SEMA5A: variants seen among roughly 807,000 people sequenced by gnomAD.
SEMA5A encodes the protein semaphorin-5A.
In SEMA5A, 55 loss-of-function variants were observed where a neutral mutation model predicts 135.5. The ratio of observed to expected loss-of-function variants is 0.41; its 90% CI spans 0.33 to 0.51. The LOEUF is 0.51. Ranked by LOEUF, SEMA5A falls within the 20% of genes least tolerant of loss-of-function variation. SEMA5A has a pLI of 0.37. For missense variants in SEMA5A, 1,290 were observed against 1,419.9 expected, an observed-to-expected ratio of 0.91 and a Z score of 1.47; for synonymous variants, 580 against 546.5, an observed-to-expected ratio of 1.06 and a Z score of -0.85.
At chr5:9,265,515 TGGTGTGTGC>T (rs1749640929) in intron 5 of SEMA5A, 2 of 456,330 alleles carry the variant, frequency 4.4e-6, no homozygotes, top group African/African-American at 2.0e-5. Context: ...TGGCTTTGTG[TGGTGTGTGC>T]GGTCCTCCTG....
chr5:9,432,879 T>C (rs1757905291), intron 2 of SEMA5A, among the ~76,000 whole-genome samples: 1 of 152,212 alleles, frequency 6.6e-6, no homozygotes, highest in Admixed American at 6.5e-5. Flanking sequence ...TAATCATGGT[T>C]AATATAATGG....
At chr5:9,043,450 G>A (rs1399392530) in intron 22 of SEMA5A, among the ~76,000 whole-genome samples, 1 of 152,220 alleles carries the variant, frequency 6.6e-6, no homozygotes, top group South Asian at 2.1e-4. Context: ...CGGAGACCTT[G>A]ATGGAACTTA....
chr5:9,344,480 A>G (rs1404022928), intron 3 of SEMA5A, among the ~76,000 whole-genome samples: 1 of 152,218 alleles, frequency 6.6e-6, no homozygotes, highest in East Asian at 1.9e-4. Context: ...GAAAAATTGG[A>G]AAGAAGGGAA....
chr5:9,437,247 C>T (rs892836476), intron 2 of SEMA5A, among the ~76,000 whole-genome samples: 1 of 152,180 alleles, frequency 6.6e-6, no homozygotes, highest in Non-Finnish European at 1.5e-5. Flanking sequence ...TCTTCGGGTT[C>T]CTGAGTGATG....
At chr5:9,162,794 G>C (rs72643790) in intron 11 of SEMA5A, among the ~76,000 whole-genome samples, 17,640 of 151,482 alleles carry the variant, frequency 0.12, 1,750 homozygotes, top group African/African-American at 0.25. Context: ...TGGAAGGGAC[G>C]TAAAACAATA....
intron 5 of SEMA5A, among the ~76,000 whole-genome samples, chr5:9,276,504 C>A (rs1040440509): frequency 1.3e-5 from 2 of 152,124 alleles, no homozygotes; most frequent in Admixed American, 1.3e-4. Context: ...ATAACCAAGA[C>A]AATCCTAAGC....
At chr5:9,139,814 C>A (rs1249886183) in intron 12 of SEMA5A, among the ~76,000 whole-genome samples, 1 of 152,184 alleles carries the variant, frequency 6.6e-6, no homozygotes, top group Non-Finnish European at 1.5e-5. Flanking sequence ...ATCTTCCCAA[C>A]TTAAAGATTA....
intron 3 of SEMA5A, among the ~76,000 whole-genome samples, chr5:9,341,187 C>T (rs1411846672): frequency 1.3e-5 from 2 of 149,712 alleles, no homozygotes; most frequent in African/African-American, 5.0e-5. Context: ...CACACACATA[C>T]AAACACACAC....
intron 12 of SEMA5A, among the ~76,000 whole-genome samples, chr5:9,138,921 G>T (rs954293814): frequency 3.9e-5 from 6 of 152,206 alleles, no homozygotes; most frequent in Admixed American, 2.0e-4. Flanking sequence ...CCAGGTTACT[G>T]TTAATTTATT....
intron 13 of SEMA5A, among the ~76,000 whole-genome samples, chr5:9,133,479 G>A (rs1741552650): frequency 6.6e-6 from 1 of 152,112 alleles, no homozygotes; most frequent in Admixed American, 6.5e-5. Context: ...TACATTGGGT[G>A]GGATGACAGA....
At chr5:9,296,542 A>T (rs1751342182) in intron 5 of SEMA5A, among the ~76,000 whole-genome samples, 1 of 152,186 alleles carries the variant, frequency 6.6e-6, no homozygotes, top group Non-Finnish European at 1.5e-5. Context: ...TGCATTGCTT[A>T]ACAATTAATG....
chr5:9,425,678 T>C (rs1208807803), intron 2 of SEMA5A, among the ~76,000 whole-genome samples: 1 of 152,208 alleles, frequency 6.6e-6, no homozygotes, highest in African/African-American at 2.4e-5. Context: ...GTTCCAACCC[T>C]CAAAATATTT....
At chr5:9,151,763 T>G (rs150650810) in intron 12 of SEMA5A, among the ~76,000 whole-genome samples, 1 of 152,168 alleles carries the variant, frequency 6.6e-6, no homozygotes, top group Non-Finnish European at 1.5e-5. Context: ...CACAGAAGAC[T>G]ATAGTCTATC....
intron 7 of SEMA5A, among the ~76,000 whole-genome samples, chr5:9,225,385 C>T (rs1479454724): frequency 1.2e-5 from 1 of 86,890 alleles, no homozygotes; most frequent in Non-Finnish European, 2.2e-5. Flanking sequence ...AACCCCATCT[C>T]TACTAAAAAA....
At chr5:9,308,931 G>A (rs1035478294) in intron 5 of SEMA5A, among the ~76,000 whole-genome samples, 1 of 152,152 alleles carries the variant, frequency 6.6e-6, no homozygotes, top group African/African-American at 2.4e-5. Flanking sequence ...TTTTGTTGCT[G>A]TCATCATGAT....
intron 2 of SEMA5A, among the ~76,000 whole-genome samples, chr5:9,395,369 T>G (rs1471591902): frequency 1.3e-5 from 2 of 152,160 alleles, no homozygotes; most frequent in Admixed American, 1.3e-4. Context: ...TATTCTCATG[T>G]AAAGTTGGGC....
chr5:9,087,591 A>G (rs1041944127), intron 16 of SEMA5A, among the ~76,000 whole-genome samples: 15 of 151,826 alleles, frequency 9.9e-5, no homozygotes, highest in African/African-American at 3.4e-4. Context: ...TGCTGTACAT[A>G]CATTCTTTAG....
chr5:9,044,905 C>T (rs1736167323), intron 21 of SEMA5A, among the ~76,000 whole-genome samples: 1 of 152,108 alleles, frequency 6.6e-6, no homozygotes, highest in South Asian at 2.1e-4. Flanking sequence ...CTGCCTCAGC[C>T]TCCCGAGTAG....
At chr5:9,046,972 A>C (rs1736294760) in intron 21 of SEMA5A, among the ~76,000 whole-genome samples, 1 of 152,154 alleles carries the variant, frequency 6.6e-6, no homozygotes. Flanking sequence ...TGGTTTCAGC[A>C]TCTTTGGCCT....
Sources: gnomAD v4.1 joint callset for allele counts (sites outside exome capture counted in the v4.1 genomes callset) on GRCh38, gnomAD v4.1.1 for gene constraint, MANE v1.5 for transcripts, NCBI Gene and HGNC (gene_info 2026-07-23, HGNC 2026-07-21) for gene names.